AFF2: variants seen among roughly 807,000 people sequenced by gnomAD.
The protein encoded by AFF2 is ALF transcription elongation factor 2.
AFF2 carries 14 observed loss-of-function variants against 76.9 expected under a neutral mutation model. The observed-to-expected ratio is 0.18, with a 90% CI of 0.12 to 0.28. The LOEUF is 0.28. Ranked by LOEUF, AFF2 falls within the 10% of genes least tolerant of loss-of-function variation. The pLI is 1.00. For synonymous variants in AFF2, 398 were observed against 366.7 expected (o/e 1.09, Z -0.98); for missense variants, 868 against 1,001.1 (o/e 0.87, Z 1.79).
chrX:148,892,015 G>T (rs1274657648), intron 8 of AFF2, among the ~76,000 whole-genome samples: 1 of 111,905 alleles, frequency 8.9e-6, no homozygotes, highest in Non-Finnish European at 1.9e-5. Context: ...GCTTGGAGTA[G>T]TATGCTAGTG....
chrX:148,555,901 G>A (rs1038859799), intron 1 of AFF2, among the ~76,000 whole-genome samples: 7 of 112,390 alleles, frequency 6.2e-5, no homozygotes, highest in Non-Finnish European at 1.3e-4. Flanking sequence ...AAAGGAACCA[G>A]CCTTCTGTTC....
chrX:148,763,466 C>T (rs983072892), intron 3 of AFF2, among the ~76,000 whole-genome samples: 1 of 109,554 alleles, frequency 9.1e-6, no homozygotes, highest in African/African-American at 3.3e-5. Context: ...TTATCTTCCA[C>T]CTGATTTTTT....
intron 1 of AFF2, among the ~76,000 whole-genome samples, chrX:148,504,913 A>C (rs189702316): frequency 2.2e-3 from 208 of 94,105 alleles, no homozygotes; most frequent in African/African-American, 8.1e-3. Context: ...CTGTTTATGG[A>C]TGGGAAGGTG....
chrX:148,978,628 T>G (rs1271334651), intron 18 of AFF2, among the ~76,000 whole-genome samples, 173 bp downstream of exon 18: 2 of 112,343 alleles, frequency 1.8e-5, no homozygotes, highest in Non-Finnish European at 3.8e-5. Context: ...ATGGCTGATT[T>G]GGTTCCAGGG....
intron 8 of AFF2, among the ~76,000 whole-genome samples, chrX:148,895,542 T>C (rs1290928698): frequency 1.9e-5 from 2 of 107,049 alleles, no homozygotes; most frequent in East Asian, 5.9e-4. Context: ...ATGTTCTGGC[T>C]GTGAACAGTG....
chrX:148,581,166 C>CGTATACGT (rs1259151671), intron 1 of AFF2, among the ~76,000 whole-genome samples: 5 of 60,416 alleles, frequency 8.3e-5, no homozygotes, highest in Admixed American at 6.1e-4. Flanking sequence ...CGTATACACA[C>CGTATACGT]ATACATATAC....
chrX:148,912,234 C>T (rs185179123), intron 9 of AFF2, among the ~76,000 whole-genome samples: 5 of 112,157 alleles, frequency 4.5e-5, no homozygotes, highest in East Asian at 2.8e-4. Context: ...ATACGTGTGC[C>T]GTGGTCATTT....
At chrX:148,935,150 T>G (rs1557284884) in intron 9 of AFF2, among the ~76,000 whole-genome samples, 1 of 109,162 alleles carries the variant, frequency 9.2e-6, no homozygotes, top group East Asian at 2.9e-4. Flanking sequence ...ATTGGTATTA[T>G]CATTATTTTA....
chrX:148,885,769 T>C, intron 7 of AFF2, 120 bp from the exon 8 acceptor site: 1 of 608,495 alleles, frequency 1.6e-6, no homozygotes, highest in Non-Finnish European at 2.8e-6. Context: ...CTCTACACCT[T>C]TGAAGGATTT....
chrX:148,508,149 G>A (rs2052443321), intron 1 of AFF2, among the ~76,000 whole-genome samples: 1 of 111,881 alleles, frequency 8.9e-6, no homozygotes, highest in Admixed American at 9.5e-5. Flanking sequence ...GTTTGTTGGA[G>A]AAATAAAAGA....
At chrX:148,586,284 G>A (rs1409557043) in intron 1 of AFF2, among the ~76,000 whole-genome samples, 1 of 111,823 alleles carries the variant, frequency 8.9e-6, no homozygotes, top group African/African-American at 3.3e-5. Flanking sequence ...ATGTGAATAT[G>A]GAAGTGGAAG....
intron 20 of AFF2, among the ~76,000 whole-genome samples, chrX:148,987,879 C>G (rs2072492126): frequency 8.9e-6 from 1 of 111,735 alleles, no homozygotes; most frequent in Non-Finnish European, 1.9e-5. Context: ...TTAATTATGA[C>G]CCTGTTGGCT....
At chrX:148,577,261 A>C (rs5936216) in intron 1 of AFF2, among the ~76,000 whole-genome samples, 30,009 of 111,335 alleles carry the variant, frequency 0.27, 3,030 homozygotes, top group Non-Finnish European at 0.3. Flanking sequence ...TTCAGAATCA[A>C]TATCGTCATT....
chrX:148,899,612 A>AT (rs1452272815), intron 8 of AFF2, among the ~76,000 whole-genome samples: 4 of 112,144 alleles, frequency 3.6e-5, no homozygotes, highest in African/African-American at 1.3e-4. Flanking sequence ...TTCCCTTTTG[A>AT]TTAAGAAATG....
intron 9 of AFF2, among the ~76,000 whole-genome samples, chrX:148,947,266 C>T (rs1190799236): frequency 8.9e-6 from 1 of 112,107 alleles, no homozygotes; most frequent in South Asian, 3.7e-4. Context: ...ACTGTCTGCT[C>T]ATCAATAGCA....
intron 1 of AFF2, among the ~76,000 whole-genome samples, chrX:148,506,088 A>T (rs1557232480): frequency 9.0e-6 from 1 of 110,759 alleles, no homozygotes; most frequent in Non-Finnish European, 1.9e-5. Context: ...ATTTCGTTTA[A>T]TCCTTCCAAC....
chrX:148,690,473 A>C (rs2054639819), intron 3 of AFF2, among the ~76,000 whole-genome samples: 1 of 111,828 alleles, frequency 8.9e-6, no homozygotes, highest in Admixed American at 9.5e-5. Flanking sequence ...GGCCCAAAGA[A>C]GAGAATGAAC....
rs189423384 is a variant in AFF2, at chrX:148,894,555, A to C, written c.1359+8570A>C. On this transcript the variant is annotated intron_variant, in intron 8 of 20. Transcript: ENST00000370460. Reference sequence around the variant, plus strand: ...TTTCCAAAATGTATGGGGCCACATAACTCGTATTTCACACAGCAAAAATTT... The same window carrying C: ...TTTCCAAAATGTATGGGGCCACATACCTCGTATTTCACACAGCAAAAATTT... Among the ~76,000 whole-genome samples the C allele has an allele frequency of 3.6e-5, 4 of 111,724 alleles. No homozygotes were observed. The East Asian group carries it at 1.1e-3, about 31-fold the overall frequency.
At chrX:148,682,513 G>A (rs782331673) in intron 3 of AFF2, among the ~76,000 whole-genome samples, 2 of 111,044 alleles carry the variant, frequency 1.8e-5, no homozygotes, top group African/African-American at 6.5e-5. Context: ...AGAGAACAGC[G>A]ATGAGGTGTT....
Sources: gnomAD v4.1 joint callset for allele counts (sites outside exome capture counted in the v4.1 genomes callset) on GRCh38, gnomAD v4.1.1 for gene constraint, MANE v1.5 for transcripts, NCBI Gene and HGNC (gene_info 2026-07-23, HGNC 2026-07-21) for gene names.